ADAM7: variants seen among roughly 807,000 people sequenced by gnomAD.
ADAM7 encodes disintegrin and metalloproteinase domain-containing protein 7.
In ADAM7, 97 loss-of-function variants were observed where a neutral mutation model predicts 102.9. The observed-to-expected ratio is 0.94, with a 90% CI of 0.80 to 1.12. The LOEUF (loss-of-function observed/expected upper bound fraction) is 1.12. ADAM7 is among the 50% of genes most tolerant of loss of function. The probability of loss-of-function intolerance (pLI) is 0.00; values close to 1 mark genes in which losing one functional copy is unlikely to be tolerated. For missense variants in ADAM7, 991 were observed against 908.7 expected (o/e 1.09, Z -1.16); for synonymous variants, 334 against 304.4 (o/e 1.10, Z -1.01).
intron 11 of ADAM7, 25 bp downstream of exon 11, chr8:24,487,342 T>A (rs1032603562): frequency 1.2e-6 from 2 of 1,609,256 alleles, no homozygotes; most frequent in Non-Finnish European, 1.7e-6. Flanking sequence ...ATGTACAGAA[T>A]ACACTTACAT....
chr8:24,499,120 A>T, intron 16 of ADAM7, 116 bp from the exon 17 acceptor site: 1 of 720,410 alleles, frequency 1.4e-6, no homozygotes, highest in South Asian at 2.4e-5. Flanking sequence ...TGTAAATTGA[A>T]ATTTTTCATA....
intron 3 of ADAM7, among the ~76,000 whole-genome samples, chr8:24,457,029 A>T (rs1819059525): frequency 6.6e-6 from 1 of 152,204 alleles, no homozygotes; most frequent in Non-Finnish European, 1.5e-5. Context: ...AATCTGACAG[A>T]TTCTTTTCCA....
chr8:24,482,627 T>C (rs2129388501), intron 9 of ADAM7, among the ~76,000 whole-genome samples: 1 of 152,200 alleles, frequency 6.6e-6, no homozygotes, highest in South Asian at 2.1e-4. Flanking sequence ...CAAGCACCCA[T>C]GGTCCCAGCT....
At chr8:24,497,620 G>T (rs76058228) in intron 16 of ADAM7, among the ~76,000 whole-genome samples, 5,550 of 152,118 alleles carry the variant, frequency 0.036, 348 homozygotes, top group African/African-American at 0.13. Flanking sequence ...TTAATATGAA[G>T]TCTAAATTAA....
chr8:24,448,209 G>A (rs1818639130), intron 3 of ADAM7, among the ~76,000 whole-genome samples: 1 of 152,122 alleles, frequency 6.6e-6, no homozygotes, highest in Non-Finnish European at 1.5e-5. Flanking sequence ...TGCTGAGGAA[G>A]AATTATAGGT....
intron 3 of ADAM7, among the ~76,000 whole-genome samples, chr8:24,457,295 T>TG (rs1443104405): frequency 4.6e-5 from 7 of 152,056 alleles, no homozygotes; most frequent in African/African-American, 1.7e-4. Flanking sequence ...TCGAGGAGAT[T>TG]TTTTTTTCCT....
chr8:24,452,228 C>T (rs1818823041), intron 3 of ADAM7, among the ~76,000 whole-genome samples: 1 of 150,986 alleles, frequency 6.6e-6, no homozygotes, highest in African/African-American at 2.4e-5. Context: ...TCTCGTTGAT[C>T]TGTCTAATGT....
At chr8:24,487,460 A>G in intron 11 of ADAM7, 143 bp downstream of exon 11, 1 of 985,068 alleles carries the variant, frequency 1.0e-6, no homozygotes, top group Non-Finnish European at 1.4e-6. Flanking sequence ...CAGCCTGGCC[A>G]ACATGGAGAA....
intron 2 of ADAM7, among the ~76,000 whole-genome samples, chr8:24,444,165 T>C (rs1304970847): frequency 6.6e-6 from 1 of 150,484 alleles, no homozygotes; most frequent in Non-Finnish European, 1.5e-5. Context: ...GCTGGGATAA[T>C]GTGAAGAACA....
chr8:24,492,633 T>C (rs1563393316), intron 15 of ADAM7, 36 bp downstream of exon 15: 2 of 1,486,736 alleles, frequency 1.3e-6, no homozygotes, highest in East Asian at 2.3e-5. Flanking sequence ...ATTTGCCTTC[T>C]TACAGCACTT....
At chr8:24,481,370 T>C (rs1232162116) in intron 8 of ADAM7, among the ~76,000 whole-genome samples, 2 of 152,198 alleles carry the variant, frequency 1.3e-5, no homozygotes, top group African/African-American at 2.4e-5. Context: ...AGTAACATTG[T>C]ATGAATGATC....
At chr8:24,451,827 C>T (rs1321254133) in intron 3 of ADAM7, among the ~76,000 whole-genome samples, 4 of 150,240 alleles carry the variant, frequency 2.7e-5, no homozygotes, top group African/African-American at 9.8e-5. Context: ...TTGAATGCGT[C>T]CCAGAGATTC....
chr8:24,453,552 C>G (rs900834666), intron 3 of ADAM7, among the ~76,000 whole-genome samples: 2 of 152,188 alleles, frequency 1.3e-5, no homozygotes, highest in African/African-American at 4.8e-5. Context: ...GTACACTCAT[C>G]TAAATTTTTT....
At chr8:24,470,714 C>T (rs1563382638) in intron 7 of ADAM7, among the ~76,000 whole-genome samples, 1 of 152,152 alleles carries the variant, frequency 6.6e-6, no homozygotes, top group African/African-American at 2.4e-5. Flanking sequence ...TGTAAACAAA[C>T]CTACTGCATT....
At chr8:24,482,107 T>A in intron 8 of ADAM7, 35 bp from the exon 9 acceptor site, 1 of 1,497,862 alleles carries the variant, frequency 6.7e-7, no homozygotes, top group Non-Finnish European at 9.0e-7. Flanking sequence ...TTCCAGCAAC[T>A]TGACTTTGTG....
rs1341350719 is a variant in ADAM7, at chr8:24,484,190, A to T, written c.876-1087A>T. Among the ~76,000 whole-genome samples, 6 of 152,334 alleles carry T rather than the reference A, an allele frequency of 3.9e-5. No homozygotes were observed. The South Asian group carries it at 1.2e-3, about 32-fold the overall frequency. ...CCAGAATTCTGTCTCTCCAAGAAGC[A>T]TAGTCAAATACTGATGCCTAATATG... On this transcript the variant is annotated intron_variant, in intron 9 of 21. Coordinates refer to ENST00000175238, the MANE Select transcript of ADAM7 (RefSeq NM_003817.4).
At chr8:24,458,282 T>A (rs1275394521) in intron 3 of ADAM7, among the ~76,000 whole-genome samples, 3 of 152,228 alleles carry the variant, frequency 2.0e-5, no homozygotes, top group Non-Finnish European at 4.4e-5. Context: ...TGGAGAGAAC[T>A]GACATCTCAG....
intron 3 of ADAM7, among the ~76,000 whole-genome samples, chr8:24,451,430 T>C (rs1236452189): frequency 1.3e-5 from 2 of 152,252 alleles, no homozygotes; most frequent in Non-Finnish European, 1.5e-5. Context: ...TTCTAGTTTA[T>C]TTGCGTAGAG....
Position 24,508,608 on chromosome 8 carries a change from T to A in ADAM7, c.*62T>A. 1 of 1,612,738 alleles carries A rather than the reference T, an allele frequency of 6.2e-7. No individual in the cohort carries two copies. Among genetic ancestry groups the A allele is most frequent in the Non-Finnish European group, 8.5e-7 (1 of 1,179,238 alleles). The stretch of plus-strand genomic sequence containing the variant: ...TAGGCTGGGGATTCTGGATGCAACG[T>A]CTTTACAACCTTACCTAGATATCTG... On this transcript the variant is annotated 3_prime_UTR_variant, in exon 22 of 22. Transcript: ENST00000175238.
Sources: gnomAD v4.1 joint callset for allele counts (sites outside exome capture counted in the v4.1 genomes callset) on GRCh38, gnomAD v4.1.1 for gene constraint, MANE v1.5 for transcripts, NCBI Gene and HGNC (gene_info 2026-07-23, HGNC 2026-07-21) for gene names.